Variants in C12orf42 observed in about 807,000 individuals in gnomAD.
The protein encoded by C12orf42 is chromosome 12 open reading frame 42, also known as uncharacterized protein C12orf42.
In C12orf42, 25 loss-of-function variants were observed where a neutral mutation model predicts 21.6. The observed-to-expected ratio is 1.16, with a 90% confidence interval of 0.84 to 1.62. The LOEUF (loss-of-function observed/expected upper bound fraction) is 1.62, where lower values mean the gene tolerates loss of function less well. Ranked by LOEUF, C12orf42 falls within the 40% of genes most tolerant of loss-of-function variation. The pLI is 0.00. For missense variants in C12orf42, 483 were observed against 459.3 expected, an observed-to-expected ratio of 1.05 and a Z score of -0.47; for synonymous variants, 174 against 175.0, an observed-to-expected ratio of 0.99 and a Z score of 0.05.
the C12orf42 span, among the ~76,000 whole-genome samples, chr12:103,212,125 A>T: frequency 2.6e-5 from 4 of 152,278 alleles, no homozygotes; most frequent in South Asian, 4.2e-4. Flanking sequence ...TTTTCTTTCC[A>T]CAAAGATAAC....
intron 4 of C12orf42, among the ~76,000 whole-genome samples, chr12:103,367,700 G>T (rs2044738395): frequency 6.6e-6 from 1 of 151,968 alleles, no homozygotes; most frequent in Non-Finnish European, 1.5e-5. Context: ...TGGAGCAGAA[G>T]TAGGAAAAAG....
chr12:103,419,807 C>A (rs970235905), intron 2 of C12orf42, among the ~76,000 whole-genome samples: 2 of 152,122 alleles, frequency 1.3e-5, no homozygotes, highest in Non-Finnish European at 2.9e-5. Flanking sequence ...GCTCTGCTTC[C>A]TGGGGCCCGA....
chr12:103,194,842 AGG>A, the C12orf42 span, among the ~76,000 whole-genome samples: 10 of 152,164 alleles, frequency 6.6e-5, no homozygotes, highest in Non-Finnish European at 1.0e-4. Flanking sequence ...CAGGTTTGTT[AGG>A]TGGGTAAATT....
At chr12:103,356,340 T>A (rs570568751) in intron 4 of C12orf42, among the ~76,000 whole-genome samples, 6 of 152,150 alleles carry the variant, frequency 3.9e-5, no homozygotes, top group African/African-American at 7.2e-5. Flanking sequence ...TCTGTATCTA[T>A]TCAGGTGTAT....
At chr12:103,293,340 C>A (rs2036944875) in intron 4 of C12orf42, among the ~76,000 whole-genome samples, 1 of 152,014 alleles carries the variant, frequency 6.6e-6, no homozygotes, top group Non-Finnish European at 1.5e-5. Context: ...TTTGTAAGGA[C>A]CGTTTCCTCT....
chr12:103,277,989 T>A (rs1403074025), intron 4 of C12orf42, among the ~76,000 whole-genome samples: 1 of 152,118 alleles, frequency 6.6e-6, no homozygotes, highest in Non-Finnish European at 1.5e-5. Flanking sequence ...ATCACATTCA[T>A]GGATAGAATA....
chr12:103,149,729 T>C, the C12orf42 span, among the ~76,000 whole-genome samples: 1 of 152,208 alleles, frequency 6.6e-6, no homozygotes, highest in African/African-American at 2.4e-5. Flanking sequence ...CTGCCATGAT[T>C]GTAAGTTTCC....
At chr12:103,529,472 C>A in the C12orf42 span, among the ~76,000 whole-genome samples, 1 of 152,210 alleles carries the variant, frequency 6.6e-6, no homozygotes, top group African/African-American at 2.4e-5. Context: ...CGTCGGCTCT[C>A]CTCCCTTCTC....
chr12:103,281,977 A>C (rs994123032), intron 4 of C12orf42, among the ~76,000 whole-genome samples: 1 of 147,890 alleles, frequency 6.8e-6, no homozygotes. Context: ...TCGATCCTAA[A>C]ATTTCTTGAT....
At chr12:103,404,724 T>C (rs1310068470) in intron 2 of C12orf42, among the ~76,000 whole-genome samples, 10 of 151,802 alleles carry the variant, frequency 6.6e-5, no homozygotes, top group Non-Finnish European at 1.5e-4. Context: ...TCAGGTCTAA[T>C]GAAAAGAAAT....
chr12:103,241,236 C>T (rs2033725624), intron 10 of C12orf42, among the ~76,000 whole-genome samples: 1 of 151,174 alleles, frequency 6.6e-6, no homozygotes, highest in African/African-American at 2.4e-5. Context: ...CTGAGTCTTC[C>T]TTCTCCTGTC....
At chr12:103,147,623 C>CTTTTTTTTT in the C12orf42 span, among the ~76,000 whole-genome samples, 24 of 99,302 alleles carry the variant, frequency 2.4e-4, no homozygotes, top group African/African-American at 5.3e-4. Flanking sequence ...TTCTCTCTCT[C>CTTTTTTTTT]TTTTTTTTTT....
chr12:103,400,622 C>T (rs2047912706), intron 3 of C12orf42, among the ~76,000 whole-genome samples: 2 of 152,160 alleles, frequency 1.3e-5, no homozygotes, highest in Admixed American at 6.5e-5. Flanking sequence ...TGTTTTTCAA[C>T]TAGGTCATGT....
chr12:103,284,375 C>A (rs537375258), intron 4 of C12orf42, among the ~76,000 whole-genome samples: 1 of 152,076 alleles, frequency 6.6e-6, no homozygotes, highest in Non-Finnish European at 1.5e-5. Context: ...GAGAAACATT[C>A]GATAATCATT....
chr12:103,402,123 A>G (rs916140768), intron 2 of C12orf42, among the ~76,000 whole-genome samples: 2 of 152,222 alleles, frequency 1.3e-5, no homozygotes, highest in African/African-American at 4.8e-5. Context: ...GCCCATGAAC[A>G]TAAATAAGAA....
intron 3 of C12orf42, among the ~76,000 whole-genome samples, chr12:103,387,388 C>T (rs557302646): frequency 1.3e-5 from 2 of 152,364 alleles, no homozygotes; most frequent in Admixed American, 6.5e-5. Context: ...CACACACCCT[C>T]GTGCACACAT....
the C12orf42 span, among the ~76,000 whole-genome samples, chr12:103,532,686 A>C: frequency 4.6e-5 from 7 of 152,208 alleles, no homozygotes; most frequent in African/African-American, 1.7e-4. Flanking sequence ...TGACTCTCAG[A>C]TCTATGACCT....
the C12orf42 span, among the ~76,000 whole-genome samples, chr12:103,175,565 G>A: frequency 1.4e-4 from 22 of 152,234 alleles, no homozygotes; most frequent in Middle Eastern, 3.4e-3. Context: ...AAAGAGTGGC[G>A]TGAAGTTCAG....
chr12:103,278,759 G>T (rs1468472232), intron 4 of C12orf42, among the ~76,000 whole-genome samples: 1 of 152,206 alleles, frequency 6.6e-6, no homozygotes, highest in African/African-American at 2.4e-5. Flanking sequence ...TTTTTGGCCT[G>T]TTCCTTCCAA....
Sources: gnomAD v4.1 joint callset for allele counts (sites outside exome capture counted in the v4.1 genomes callset) on GRCh38, gnomAD v4.1.1 for gene constraint, MANE v1.5 for transcripts, NCBI Gene and HGNC (gene_info 2026-07-23, HGNC 2026-07-21) for gene names.